The following PTPRG variants were observed in gnomAD, a reference collection of about 807,000 sequenced individuals.
PTPRG encodes the protein protein tyrosine phosphatase receptor type G.
A neutral mutation model predicts 165.3 loss-of-function variants in PTPRG; 102 were observed. That is an observed-to-expected ratio of 0.62 (90% CI 0.53 to 0.73). The LOEUF (loss-of-function observed/expected upper bound fraction) is 0.73. Ranked by LOEUF, PTPRG falls within the 30% of genes least tolerant of loss-of-function variation. PTPRG has a pLI of 0.00. For missense variants in PTPRG, 1,866 were observed against 1,861.4 expected, an observed-to-expected ratio of 1.00 and a Z score of -0.05; for synonymous variants, 675 against 669.5, an observed-to-expected ratio of 1.01 and a Z score of -0.13.
At chr3:61,805,002 T>C (rs1354801414) in intron 2 of PTPRG, among the ~76,000 whole-genome samples, 2 of 152,218 alleles carry the variant, frequency 1.3e-5, no homozygotes, top group African/African-American at 2.4e-5. Context: ...ACTTCCTGTT[T>C]ATGGTGGCTC....
intron 2 of PTPRG, among the ~76,000 whole-genome samples, chr3:61,846,103 T>C (rs1575716648): frequency 6.6e-6 from 1 of 152,328 alleles, no homozygotes; most frequent in African/African-American, 2.4e-5. Context: ...ATAGTAATTA[T>C]TGTGAAGATT....
intron 3 of PTPRG, among the ~76,000 whole-genome samples, chr3:61,996,099 G>T (rs1043019465): frequency 6.6e-6 from 1 of 152,114 alleles, no homozygotes; most frequent in African/African-American, 2.4e-5. Flanking sequence ...CCATAGAAGA[G>T]AACTGAAGTT....
intron 2 of PTPRG, among the ~76,000 whole-genome samples, chr3:61,825,034 G>A (rs2036065144): frequency 6.6e-6 from 1 of 152,182 alleles, no homozygotes; most frequent in African/African-American, 2.4e-5. Flanking sequence ...AGCAAAAGGT[G>A]ACATGCCAGA....
intron 2 of PTPRG, among the ~76,000 whole-genome samples, chr3:61,764,602 G>C (rs12629194): frequency 6.6e-6 from 1 of 152,078 alleles, no homozygotes; most frequent in Non-Finnish European, 1.5e-5. Flanking sequence ...TGATACTTGA[G>C]CAGACATCTG....
At chr3:61,593,112 A>G (rs1258855070) in intron 1 of PTPRG, among the ~76,000 whole-genome samples, 1 of 152,188 alleles carries the variant, frequency 6.6e-6, no homozygotes, top group African/African-American at 2.4e-5. Context: ...GATCTCATGG[A>G]TCAGAATCTG....
intron 1 of PTPRG, among the ~76,000 whole-genome samples, chr3:61,590,098 C>T (rs1700529446): frequency 6.6e-6 from 1 of 151,854 alleles, no homozygotes; most frequent in Admixed American, 6.6e-5. Flanking sequence ...GTCCGTGTAC[C>T]ATTGGGCACA....
chr3:61,616,519 C>T (rs1701301317), intron 1 of PTPRG, among the ~76,000 whole-genome samples: 1 of 152,208 alleles, frequency 6.6e-6, no homozygotes, highest in South Asian at 2.1e-4. Flanking sequence ...GTCCATCCCA[C>T]TGTGTGTTGG....
chr3:62,186,145 G>C (rs1192645012), intron 8 of PTPRG, among the ~76,000 whole-genome samples: 1 of 152,038 alleles, frequency 6.6e-6, no homozygotes, highest in Non-Finnish European at 1.5e-5. Context: ...GCCAAGCATC[G>C]GTGGTTTTTG....
intron 2 of PTPRG, among the ~76,000 whole-genome samples, chr3:61,840,838 C>T (rs139758330): frequency 0.046 from 6,204 of 134,332 alleles, 178 homozygotes; most frequent in Middle Eastern, 0.087. Context: ...GGCTGGAGTA[C>T]AGTGGCAAGA....
At chr3:61,706,209 GAA>G (rs916303209) in intron 1 of PTPRG, among the ~76,000 whole-genome samples, 2 of 147,802 alleles carry the variant, frequency 1.4e-5, no homozygotes, top group East Asian at 3.9e-4. Context: ...CCCTGGGGGG[GAA>G]AAAAAAAAGA....
At chr3:61,697,162 G>T (rs1040369618) in intron 1 of PTPRG, among the ~76,000 whole-genome samples, 1 of 152,174 alleles carries the variant, frequency 6.6e-6, no homozygotes, top group Non-Finnish European at 1.5e-5. Flanking sequence ...CTTCACTGAA[G>T]TAGGTCCTAA....
intron 10 of PTPRG, among the ~76,000 whole-genome samples, chr3:62,198,858 A>T (rs1453346578): frequency 1.1e-4 from 16 of 152,238 alleles, no homozygotes; most frequent in Admixed American, 1.0e-3. Context: ...TTGGTTGCCT[A>T]CATGCATAGT....
chr3:61,918,263 T>C (rs2038990607), intron 2 of PTPRG, among the ~76,000 whole-genome samples: 1 of 152,046 alleles, frequency 6.6e-6, no homozygotes, highest in Admixed American at 6.6e-5. Flanking sequence ...GGGGACTAAA[T>C]CAGAGAGAAA....
intron 2 of PTPRG, among the ~76,000 whole-genome samples, chr3:61,782,930 G>C (rs1575660133): frequency 6.6e-6 from 1 of 152,082 alleles, no homozygotes; most frequent in East Asian, 1.9e-4. Flanking sequence ...AGCCTCCTAA[G>C]TAATTGGGAC....
chr3:61,665,469 TAC>T (rs10662394), intron 1 of PTPRG, among the ~76,000 whole-genome samples: 3,675 of 143,844 alleles, frequency 0.026, 102 homozygotes, highest in East Asian at 0.12. Flanking sequence ...TGTAAATAAA[TAC>T]ACACACACAC....
At chr3:62,124,504 C>T in intron 5 of PTPRG, 1 of 1,582,846 alleles carries the variant, frequency 6.3e-7, no homozygotes, top group Non-Finnish European at 8.7e-7. Flanking sequence ...TGTTTTACAG[C>T]AGGCTCATCA....
intron 5 of PTPRG, chr3:62,118,346 G>T (rs1158025421): frequency 6.6e-6 from 1 of 152,214 alleles, no homozygotes; most frequent in Admixed American, 6.5e-5. Context: ...GATGCAGTCT[G>T]TGGGTGGGAT....
chr3:61,613,527 A>T (rs1701230936), intron 1 of PTPRG, among the ~76,000 whole-genome samples: 1 of 152,226 alleles, frequency 6.6e-6, no homozygotes, highest in African/African-American at 2.4e-5. Context: ...AGGTTAAATT[A>T]TCTATTTAAA....
intron 1 of PTPRG, chr3:61,743,255 C>T: frequency 1.5e-6 from 1 of 649,762 alleles, no homozygotes; most frequent in Admixed American, 2.2e-5. Flanking sequence ...ACCTGTCACT[C>T]ATTCAGCTCT....
Sources: allele counts gnomAD v4.1 joint callset (sites outside exome capture counted in the v4.1 genomes callset), GRCh38; gene constraint gnomAD v4.1.1; transcripts MANE v1.5; gene names NCBI Gene and HGNC (gene_info 2026-07-23, HGNC 2026-07-21).